PCDHGA3: variants seen among roughly 807,000 people sequenced by gnomAD.
PCDHGA3 encodes the protein protocadherin gamma-A3.
A neutral mutation model predicts 58.5 loss-of-function variants in PCDHGA3; 40 were observed. The observed-to-expected ratio is 0.68, with a 90% CI of 0.53 to 0.89. The LOEUF (loss-of-function observed/expected upper bound fraction) is 0.89, where lower values mean the gene tolerates loss of function less well. Among genes scored for constraint, PCDHGA3 ranks in the 40% least tolerant of loss-of-function variants. The pLI, the probability that PCDHGA3 is intolerant of heterozygous loss-of-function variation, is 0.00. For synonymous variants in PCDHGA3, 530 were observed against 525.7 expected, an observed-to-expected ratio of 1.01 and a Z score of -0.11; for missense variants, 1,223 against 1,195.9, an observed-to-expected ratio of 1.02 and a Z score of -0.33.
intron 1 of PCDHGA3, chr5:141,365,726 C>T (rs1266306756): frequency 6.2e-7 from 1 of 1,613,804 alleles, no homozygotes; most frequent in East Asian, 2.2e-5. Flanking sequence ...AGAAAACAAT[C>T]CCAGAGGTGT....
At chr5:141,370,714 A>G in intron 1 of PCDHGA3, 1 of 1,613,830 alleles carries the variant, frequency 6.2e-7, no homozygotes, top group Non-Finnish European at 8.5e-7. Flanking sequence ...CTGGAATTTG[A>G]AATGGTTGCT....
chr5:141,356,507 C>A, intron 1 of PCDHGA3: 1 of 1,614,020 alleles, frequency 6.2e-7, no homozygotes, highest in Non-Finnish European at 8.5e-7. Context: ...TCTACAGAAA[C>A]TCATATTTCA....
chr5:141,372,622 A>G lies in PCDHGA3; in HGVS notation c.2424+26165A>G, dbSNP rs1231771489. The G allele has an allele frequency of 6.2e-7, 1 of 1,613,952 alleles. No homozygotes were observed. The highest frequency in any genetic ancestry group is 1.6e-4 in the Middle Eastern group (1 of 6,062). On this transcript the variant is annotated intron_variant, in intron 1 of 3. Transcript: ENST00000253812. ...ACTGTACCTGGAGTTCTCCCCACCT[A>G]CAGCGAAAGGACTTTGCCTTATTCC...
At chr5:141,357,294 C>T (rs1227374616) in intron 1 of PCDHGA3, 2 of 1,613,992 alleles carry the variant, frequency 1.2e-6, no homozygotes, top group South Asian at 2.2e-5. Context: ...TGGCAGTGGC[C>T]GCTGTCTCCT....
intron 1 of PCDHGA3, chr5:141,355,506 TG>T: frequency 6.2e-7 from 1 of 1,614,028 alleles, no homozygotes; most frequent in Non-Finnish European, 8.5e-7. Context: ...CTCCAAACTG[TG>T]TGACAAACCT....
At chr5:141,480,859 A>G (rs1197372110) in intron 1 of PCDHGA3, among the ~76,000 whole-genome samples, 2 of 152,178 alleles carry the variant, frequency 1.3e-5, no homozygotes, top group Non-Finnish European at 2.9e-5. Context: ...AGCCTGGCCA[A>G]TATGGTGAAA....
At chr5:141,347,019 C>T (rs554242895) in intron 1 of PCDHGA3, among the ~76,000 whole-genome samples, 1 of 151,800 alleles carries the variant, frequency 6.6e-6, no homozygotes, top group African/African-American at 2.4e-5. Context: ...CTTCCTCTCT[C>T]TTTCCTCCTT....
At chr5:141,378,646 T>C (rs1429624109) in intron 1 of PCDHGA3, 2 of 152,184 alleles carry the variant, frequency 1.3e-5, no homozygotes. Flanking sequence ...GGAGAACAAA[T>C]GTTAATGAGG....
chr5:141,392,841 C>A (rs1464167244), intron 1 of PCDHGA3: 2 of 1,608,680 alleles, frequency 1.2e-6, no homozygotes, highest in Non-Finnish European at 1.7e-6. Flanking sequence ...TCGCCCCAGA[C>A]GCGGCGAGCT....
chr5:141,431,642 G>A lies in PCDHGA3; in HGVS notation c.2425-63165G>A, dbSNP rs762914489. The A allele has an allele frequency of 6.2e-7, 1 of 1,614,272 alleles. No homozygotes were observed. The highest frequency in any genetic ancestry group is 1.1e-5 in the South Asian group (1 of 91,090). On this transcript the variant is annotated intron_variant, in intron 1 of 3. Transcript: ENST00000253812. This position sits in a 1 kb window ranked among gnomAD's most constrained non-coding sequence, Gnocchi z 4.8. ...CAAGGCGGCCCAAGTTTTCAAACTA[G>A]ATTGTAATTCAGGGACAATATCAAC... is the stretch of plus-strand genomic sequence containing the variant.
rs188768340 is a variant in PCDHGA3, at chr5:141,382,953, C to G, written c.2424+36496C>G. On this transcript the variant is annotated intron_variant, in intron 1 of 3. Transcript: ENST00000253812. ...ACAGAGGATTCTTCCTGCTCTCCAT[C>G]CTCCTGGGGACCCCCTGGGAAGCCT... 1,258 of 1,601,498 alleles carry G rather than the reference C, an allele frequency of 7.9e-4. 16 individuals carry two copies. In the African/African-American group the frequency reaches 0.015, roughly 19 times the overall value.
intron 1 of PCDHGA3, among the ~76,000 whole-genome samples, chr5:141,359,249 C>G (rs1368630621): frequency 6.6e-6 from 1 of 151,856 alleles, no homozygotes; most frequent in Non-Finnish European, 1.5e-5. Flanking sequence ...AGTAATTAAG[C>G]CATAAAATAT....
At chr5:141,374,811 C>A (rs1770858987) in intron 1 of PCDHGA3, 1 of 1,613,868 alleles carries the variant, frequency 6.2e-7, no homozygotes, top group Admixed American at 1.7e-5. Flanking sequence ...CCAATGTTTA[C>A]TCAGCCTGTC....
intron 1 of PCDHGA3, chr5:141,384,950 C>G: frequency 6.2e-7 from 1 of 1,614,122 alleles, no homozygotes; most frequent in East Asian, 2.2e-5. Flanking sequence ...TCCGACGGTC[C>G]TTACAACTAT....
intron 1 of PCDHGA3, chr5:141,417,843 G>C: frequency 6.5e-7 from 1 of 1,539,250 alleles, no homozygotes; most frequent in Non-Finnish European, 8.8e-7. Context: ...GGGACCCAGC[G>C]AGAACCCGAG....
chr5:141,387,947 G>C (rs1240846942), intron 1 of PCDHGA3: 25 of 1,484,496 alleles, frequency 1.7e-5, no homozygotes, highest in Non-Finnish European at 2.2e-5. Context: ...TTCTCTTCCT[G>C]CTGTCTTTGT....
At chr5:141,349,450 G>T (rs967201965) in intron 1 of PCDHGA3, among the ~76,000 whole-genome samples, 8 of 152,084 alleles carry the variant, frequency 5.3e-5, no homozygotes, top group African/African-American at 1.7e-4. Flanking sequence ...CTTCATAAAA[G>T]CATGTATGTG....
intron 1 of PCDHGA3, among the ~76,000 whole-genome samples, chr5:141,469,821 G>A (rs2099212107): frequency 6.6e-6 from 1 of 152,028 alleles, no homozygotes; most frequent in Admixed American, 6.6e-5. Flanking sequence ...TAGAATGGAG[G>A]TCACATAAAA....
chr5:141,424,087 A>C, intron 1 of PCDHGA3: 1 of 933,106 alleles, frequency 1.1e-6, no homozygotes, highest in Non-Finnish European at 1.3e-6. Flanking sequence ...TTCCACCATT[A>C]TTTGCTATTA....
Sources: gnomAD v4.1 joint callset for allele counts (sites outside exome capture counted in the v4.1 genomes callset) on GRCh38, gnomAD v4.1.1 for gene constraint, Gnocchi (gnomAD v3.1) non-coding constraint, MANE v1.5 for transcripts, NCBI Gene and HGNC (gene_info 2026-07-23, HGNC 2026-07-21) for gene names.